PRRG1: variants seen among roughly 807,000 people sequenced by gnomAD.
PRRG1 encodes the protein proline rich and Gla domain 1.
Under a neutral mutation model 11.8 loss-of-function variants are expected in PRRG1, and 5 were observed. That is an observed-to-expected ratio of 0.42 (90% confidence interval 0.22 to 0.89). The LOEUF (loss-of-function observed/expected upper bound fraction) is 0.89, where lower values mean the gene tolerates loss of function less well. Ranked by LOEUF, PRRG1 falls within the 40% of genes least tolerant of loss-of-function variation. The pLI is 0.28. For missense variants in PRRG1, 155 were observed against 166.1 expected, an observed-to-expected ratio of 0.93 and a Z score of 0.37; for synonymous variants, 66 against 60.4, an observed-to-expected ratio of 1.09 and a Z score of -0.43.
intron 2 of PRRG1, among the ~76,000 whole-genome samples, chrX:37,420,212 A>G (rs1289242866): frequency 9.0e-6 from 1 of 111,442 alleles, no homozygotes; most frequent in Non-Finnish European, 1.9e-5. Context: ...TCACATGGCT[A>G]TTTGTTCTGA....
intron 1 of PRRG1, among the ~76,000 whole-genome samples, chrX:37,376,517 A>C (rs1297807253): frequency 5.8e-5 from 4 of 68,738 alleles, no homozygotes; most frequent in African/African-American, 9.4e-5. Context: ...TGGACTGTAT[A>C]AGCATGGTTC....
Position 37,454,229 on chromosome X carries a change from T to C in PRRG1, c.*608T>C, listed in dbSNP as rs1438759561. The C allele has an allele frequency of 1.8e-5, 2 of 112,425 alleles. No individual in the cohort carries two copies. The highest frequency in any genetic ancestry group is 3.8e-5 in the Non-Finnish European group (2 of 53,261). 9.3% of individuals were successfully genotyped at this position (112,425 alleles called of 1,213,427 possible). ...AATGCATAAGCTACTGATAACTTGC[T>C]TACAGCAGATAGCAATAAGGTATTT... On this transcript the variant is annotated 3_prime_UTR_variant, in exon 4 of 4. Transcript: ENST00000378628.
intron 1 of PRRG1, among the ~76,000 whole-genome samples, chrX:37,385,896 G>T (rs1556375113): frequency 1.8e-5 from 2 of 111,091 alleles, no homozygotes; most frequent in African/African-American, 6.6e-5. Context: ...GAGAAGCTGG[G>T]ATTACAGATG....
At chrX:37,435,576 C>T (rs1357117724) in intron 3 of PRRG1, among the ~76,000 whole-genome samples, 1 of 110,681 alleles carries the variant, frequency 9.0e-6, no homozygotes, top group Non-Finnish European at 1.9e-5. Flanking sequence ...GTTACTAAGT[C>T]ACACATATGA....
intron 2 of PRRG1, among the ~76,000 whole-genome samples, chrX:37,423,432 T>C (rs914785874): frequency 3.6e-5 from 4 of 110,699 alleles, no homozygotes; most frequent in Non-Finnish European, 7.6e-5. Flanking sequence ...AAGTATGAAG[T>C]AAAAACATTA....
chrX:37,365,323 G>A (rs1235521565), intron 1 of PRRG1, among the ~76,000 whole-genome samples: 1 of 111,312 alleles, frequency 9.0e-6, no homozygotes, highest in East Asian at 2.8e-4. Flanking sequence ...AGATGTTCCA[G>A]TAGATAACCT....
intron 3 of PRRG1, among the ~76,000 whole-genome samples, chrX:37,440,553 G>A (rs1301138546): frequency 1.8e-5 from 2 of 111,847 alleles, no homozygotes; most frequent in African/African-American, 6.5e-5. Flanking sequence ...TAGAAGAGAT[G>A]ATAAAGAAGT....
At chrX:37,349,740 C>T (rs1048534482) in intron 1 of PRRG1, among the ~76,000 whole-genome samples, 3 of 111,180 alleles carry the variant, frequency 2.7e-5, no homozygotes, top group Non-Finnish European at 5.7e-5. Flanking sequence ...CTGCTTGGTG[C>T]CCATGAGGGA....
chrX:37,402,567 G>A (rs1453378757), intron 1 of PRRG1, among the ~76,000 whole-genome samples: 2 of 111,493 alleles, frequency 1.8e-5, no homozygotes, highest in Non-Finnish European at 3.8e-5. Flanking sequence ...CAGGACATAG[G>A]CATAGGCAAG....
chrX:37,402,640 A>C, intron 1 of PRRG1, among the ~76,000 whole-genome samples: 1 of 111,858 alleles, frequency 8.9e-6, no homozygotes, highest in East Asian at 2.8e-4. Flanking sequence ...AATGAGATCT[A>C]ATTAAACTAA....
At chrX:37,373,431 G>A (rs1048175550) in intron 1 of PRRG1, among the ~76,000 whole-genome samples, 5 of 112,029 alleles carry the variant, frequency 4.5e-5, no homozygotes, top group South Asian at 3.7e-4. Flanking sequence ...CATGAAAATA[G>A]TGTGTCTTTC....
rs782513330 is a variant in PRRG1, at chrX:37,425,393, C to G, written c.11-447C>G. Among the ~76,000 whole-genome samples the G allele has an allele frequency of 2.7e-5, 3 of 111,101 alleles. No individual in the cohort carries two copies. In the Admixed American group the frequency reaches 2.9e-4, roughly 11 times the overall value. ...TATTCTTTTCATACAAGTTAGAGCT[C>G]TCTGGGTTTATATTACTAGGTCAAC... On this transcript the variant is annotated intron_variant, in intron 2 of 3. Coordinates refer to ENST00000378628, the MANE Select transcript of PRRG1 (RefSeq NM_001142395.2).
Position 37,453,668 on chromosome X carries a change from A to T in PRRG1, c.*47A>T. ...CTAATCATTTTTAAAATACTAATGG[A>T]AGAACTTTCTAGCACTTTACCACTA... On this transcript the variant is annotated 3_prime_UTR_variant, in exon 4 of 4. Transcript: ENST00000378628. 2 of 1,106,668 alleles carry T rather than the reference A, an allele frequency of 1.8e-6. No homozygotes were observed. Among genetic ancestry groups the T allele is most frequent in the East Asian group, 3.1e-5 (1 of 32,639 alleles). 91.2% of individuals were successfully genotyped at this position (1,106,668 alleles called of 1,213,427 possible).
Position 37,453,482 on chromosome X carries a change from A to G in PRRG1, c.518A>G (p.Glu173Gly). 1 of 1,210,846 alleles carries G rather than the reference A, an allele frequency of 8.3e-7. No homozygotes were observed. The highest frequency in any genetic ancestry group is 1.1e-6 in the Non-Finnish European group (1 of 895,317). Residue 173 changes from glutamate (E) to glycine (G), a missense_variant, in exon 4 of 4, where the codon GAG becomes GGG. Physicochemically the swap from Glu to Gly is moderately conservative, Grantham distance 98. Transcript: ENST00000378628. ...AATTGTGATCCCCCGCCAACCTATG[A>G]GGAAGCCACTGGCCAAGTGAACCTG... is the stretch of plus-strand genomic sequence containing the variant. ...LSNCDPPPTY[E>G]EATGQVNLQR...
chrX:37,388,228 G>A (rs1931400430), intron 1 of PRRG1, among the ~76,000 whole-genome samples: 1 of 112,135 alleles, frequency 8.9e-6, no homozygotes, highest in Non-Finnish European at 1.9e-5. Context: ...CAGGCTGAGG[G>A]TACAAGCTGC....
intron 1 of PRRG1, among the ~76,000 whole-genome samples, chrX:37,353,013 T>C (rs1213120552): frequency 8.9e-6 from 1 of 112,076 alleles, no homozygotes; most frequent in Non-Finnish European, 1.9e-5. Context: ...TATTTTAGAG[T>C]ATACTTCTAC....
intron 3 of PRRG1, among the ~76,000 whole-genome samples, chrX:37,432,708 G>C (rs1295096866): frequency 8.9e-6 from 1 of 111,919 alleles, no homozygotes; most frequent in East Asian, 2.8e-4. Flanking sequence ...TTGCTCCCCT[G>C]GTGATCTTTC....
At chrX:37,370,335 A>AT (rs1930724797) in intron 1 of PRRG1, among the ~76,000 whole-genome samples, 1 of 111,926 alleles carries the variant, frequency 8.9e-6, no homozygotes, top group Admixed American at 9.4e-5. Context: ...ACTGATTTAT[A>AT]TTTTTTTGGA....
intron 3 of PRRG1, among the ~76,000 whole-genome samples, chrX:37,448,848 C>T (rs965384640): frequency 1.1e-4 from 12 of 111,695 alleles, no homozygotes; most frequent in African/African-American, 3.9e-4. Context: ...CCAGGTTTGT[C>T]TCTAACTCCT....
Sources: gnomAD v4.1 joint callset for allele counts (sites outside exome capture counted in the v4.1 genomes callset) on GRCh38, gnomAD v4.1.1 for gene constraint, MANE v1.5 for transcripts, NCBI Gene and HGNC (gene_info 2026-07-23, HGNC 2026-07-21) for gene names.